ITSN2: variants seen among roughly 807,000 people sequenced by gnomAD.
ITSN2 encodes intersectin-2.
A neutral mutation model predicts 243.7 loss-of-function variants in ITSN2; 156 were observed. The observed-to-expected ratio is 0.64, with a 90% CI of 0.56 to 0.73. ITSN2 has a LOEUF of 0.73. Ranked by LOEUF, ITSN2 falls within the 30% of genes least tolerant of loss-of-function variation. The pLI, the probability that ITSN2 is intolerant of heterozygous loss-of-function variation, is 0.00. For synonymous variants in ITSN2, 703 were observed against 699.9 expected (o/e 1.00, Z -0.07); for missense variants, 1,801 against 1,996.1 (o/e 0.90, Z 1.86).
intron 34 of ITSN2, 78 bp from the exon 35 acceptor site, chr2:24,210,111 CCTGAGGAT>C: frequency 1.0e-6 from 1 of 998,966 alleles, no homozygotes; most frequent in Non-Finnish European, 1.5e-6. Flanking sequence ...GTGCCCTGGG[CCTGAGGAT>C]ACTGTGGTGG....
At chr2:24,250,976 G>C (rs1164025048) in intron 25 of ITSN2, among the ~76,000 whole-genome samples, 9 of 151,916 alleles carry the variant, frequency 5.9e-5, no homozygotes, top group Non-Finnish European at 1.3e-4. Flanking sequence ...GATCACTGGA[G>C]GTCAGGAGTT....
intron 1 of ITSN2, among the ~76,000 whole-genome samples, chr2:24,358,205 G>A (rs776219751): frequency 9.2e-5 from 14 of 152,134 alleles, no homozygotes; most frequent in South Asian, 4.1e-4. Context: ...CAGGGCACCC[G>A]GCACATAGAT....
intron 23 of ITSN2, among the ~76,000 whole-genome samples, chr2:24,256,038 A>G (rs1308084113): frequency 6.6e-6 from 1 of 150,620 alleles, no homozygotes; most frequent in East Asian, 2.0e-4. Flanking sequence ...GGGCAACAAA[A>G]GCGAAATTCC....
At chr2:24,261,486 G>C in intron 21 of ITSN2, 75 bp downstream of exon 21, 1 of 1,191,424 alleles carries the variant, frequency 8.4e-7, no homozygotes, top group Non-Finnish European at 1.2e-6. Context: ...TGAAGTAGTA[G>C]GCTGACACCA....
intron 2 of ITSN2, among the ~76,000 whole-genome samples, chr2:24,320,688 C>G (rs1180955842): frequency 1.3e-5 from 2 of 148,322 alleles, no homozygotes; most frequent in East Asian, 3.9e-4. Context: ...GTCTGGGTTA[C>G]AGAACAAGAC....
intron 23 of ITSN2, among the ~76,000 whole-genome samples, chr2:24,255,027 C>T (rs1011544264): frequency 6.6e-6 from 1 of 152,108 alleles, no homozygotes; most frequent in African/African-American, 2.4e-5. Flanking sequence ...AGAAGGGGAA[C>T]CTTATTACAA....
chr2:24,298,772 C>T lies in ITSN2; in HGVS notation c.1387G>A (p.Glu463Lys), dbSNP rs749396727. The T allele has an allele frequency of 8.7e-5, 140 of 1,612,366 alleles. 2 individuals carry two copies. In the South Asian group the frequency reaches 1.4e-3, roughly 16 times the overall value. Residue 463 changes from glutamate (E) to lysine (K), a missense_variant, in exon 13 of 40, where the codon GAG becomes AAG. Glu to Lys is a moderately conservative substitution (Grantham distance 56). Coordinates refer to ENST00000355123, the MANE Select transcript of ITSN2 (RefSeq NM_006277.3). ...ELERQRRLEW[E>K]RIRRQELLNQ... is the part of the protein sequence containing the mutation. ...AGAAGCTCCTGTCGCCGAATTCTCT[C>T]CCATTCTAAGCGACGTTGTCGTTCA...
chr2:24,206,261 CA>C, intron 37 of ITSN2: 1 of 433,284 alleles, frequency 2.3e-6, no homozygotes, highest in South Asian at 1.7e-5. Flanking sequence ...GAGTATATAA[CA>C]AAATGGGGGA....
At chr2:24,264,763 A>ACCTGTCGAAAATCTGTTGT (rs1553363571) in intron 20 of ITSN2, among the ~76,000 whole-genome samples, 11 of 151,936 alleles carry the variant, frequency 7.2e-5, no homozygotes, top group South Asian at 2.1e-4. Flanking sequence ...ACTCTGTTCC[A>ACCTGTCGAAAATCTGTTGT]TTGATCTATT....
intron 29 of ITSN2, among the ~76,000 whole-genome samples, chr2:24,236,180 TA>T (rs1367063275): frequency 1.3e-5 from 2 of 152,324 alleles, no homozygotes; most frequent in East Asian, 3.9e-4. Flanking sequence ...AGGAATGATG[TA>T]CAGCTACATG....
chr2:24,347,336 A>T (rs1687626940), intron 1 of ITSN2, among the ~76,000 whole-genome samples: 1 of 152,166 alleles, frequency 6.6e-6, no homozygotes, highest in Non-Finnish European at 1.5e-5. Flanking sequence ...TACAAATGAC[A>T]ATTTCAAGGC....
chr2:24,302,149 T>A, intron 9 of ITSN2, 47 bp from the exon 10 acceptor site: 1 of 1,334,694 alleles, frequency 7.5e-7, no homozygotes, highest in Non-Finnish European at 1.0e-6. Flanking sequence ...CTATTTGGAG[T>A]AAAATATTGC....
At chr2:24,338,224 A>T (rs1444991226) in intron 1 of ITSN2, among the ~76,000 whole-genome samples, 1 of 152,200 alleles carries the variant, frequency 6.6e-6, no homozygotes, top group Non-Finnish European at 1.5e-5. Context: ...AACATAACCC[A>T]GTCTTTTCCT....
At chr2:24,345,718 C>T (rs149447409) in intron 1 of ITSN2, among the ~76,000 whole-genome samples, 3 of 151,936 alleles carry the variant, frequency 2.0e-5, no homozygotes, top group East Asian at 2.0e-4. Context: ...CTATGCATTA[C>T]AATAATAGAT....
In ITSN2 at chr2:24,286,212, C is replaced by A; in HGVS notation, c.1863G>T (p.Lys621Asn). ...SEMDSFNNQLKCGNMDDSVLQ... is the reference protein window; with the variant it reads ...SEMDSFNNQLNCGNMDDSVLQ... ...AATAAATAGTATCAAAAATAAATAC[C>A]TTTAGTTGATTGTTAAAAGAATCCA... The change falls in exon 16 of 40, where the codon AAG (lysine) becomes AAT (asparagine). Residue 621 changes from lysine (K) to asparagine (N), a missense_variant and splice_region_variant. Transcript: ENST00000355123. 6.4e-7 allele frequency: 1 copy of A among 1,560,050 alleles called. No individual in the cohort carries two copies. The highest frequency in any genetic ancestry group is 8.7e-7 in the Non-Finnish European group (1 of 1,144,730).
At chr2:24,274,794 T>C (rs1308902174) in intron 18 of ITSN2, among the ~76,000 whole-genome samples, 2 of 152,178 alleles carry the variant, frequency 1.3e-5, no homozygotes, top group African/African-American at 2.4e-5. Context: ...TAGTAACTAT[T>C]AGCTTTTTCA....
intron 29 of ITSN2, among the ~76,000 whole-genome samples, chr2:24,226,409 TTAAA>T (rs1263633563): frequency 6.6e-6 from 1 of 152,200 alleles, no homozygotes; most frequent in Non-Finnish European, 1.5e-5. Context: ...AGTGACATGA[TTAAA>T]AAGTTTTTTG....
In ITSN2 at chr2:24,324,474, G is replaced by A. The variant is rs538860685; in HGVS notation, c.31+3578C>T. Among the ~76,000 whole-genome samples the A allele has an allele frequency of 4.6e-5, 7 of 152,096 alleles. No individual in the cohort carries two copies. In the East Asian group the frequency reaches 9.7e-4, roughly 21 times the overall value. ...CACAGGGGCTAAACTCAACCCATCT[G>A]TTTGTTTACTGCTTAGTTCCTCATG... On this transcript the variant is annotated intron_variant, in intron 2 of 39. Transcript: ENST00000355123.
intron 8 of ITSN2, among the ~76,000 whole-genome samples, chr2:24,305,889 G>A (rs925191060): frequency 3.3e-5 from 5 of 152,122 alleles, no homozygotes; most frequent in African/African-American, 1.2e-4. Context: ...CCCATTCACT[G>A]CCCTTCATAT....
Sources: allele counts gnomAD v4.1 joint callset (sites outside exome capture counted in the v4.1 genomes callset), GRCh38; gene constraint gnomAD v4.1.1; transcripts MANE v1.5; gene names NCBI Gene and HGNC (gene_info 2026-07-23, HGNC 2026-07-21).